Variants in SRBD1 observed in about 807,000 individuals in gnomAD.
SRBD1 encodes the protein S1 RNA-binding domain-containing protein 1.
In SRBD1, 88 loss-of-function variants were observed where a neutral mutation model predicts 115.3. That is an observed-to-expected ratio of 0.76 (90% confidence interval 0.64 to 0.91). The LOEUF (loss-of-function observed/expected upper bound fraction) is 0.91, where lower values mean the gene tolerates loss of function less well. Among genes scored for constraint, SRBD1 ranks in the 40% least tolerant of loss-of-function variants. SRBD1 has a pLI of 0.00. For missense variants in SRBD1, 1,385 were observed against 1,177.4 expected, an observed-to-expected ratio of 1.18 and a Z score of -2.58; for synonymous variants, 509 against 407.7, an observed-to-expected ratio of 1.25 and a Z score of -2.99.
chr2:45,562,703 A>G lies in SRBD1; in HGVS notation c.1359T>C (p.Asn453=), dbSNP rs1162944991. 2 of 1,612,872 alleles carry G rather than the reference A, an allele frequency of 1.2e-6. No homozygotes were observed. Among genetic ancestry groups the G allele is most frequent in the Non-Finnish European group, 1.7e-6 (2 of 1,179,728 alleles). The change falls in exon 10 of 21, where the codon AAT becomes AAC. Residue 453 remains asparagine, a synonymous_variant. Transcript: ENST00000263736. ...ENLKVLTVKV[N]ISDGVKDEFC... Reference sequence around the variant, plus strand: ...ATTCATCCTTCACTCCATCAGAAATATTGACCTTAACCGTCAGTACCTTCA... The same window carrying G: ...ATTCATCCTTCACTCCATCAGAAATGTTGACCTTAACCGTCAGTACCTTCA...
At chr2:45,416,979 A>G (rs1186717966) in intron 18 of SRBD1, among the ~76,000 whole-genome samples, 5 of 152,178 alleles carry the variant, frequency 3.3e-5, no homozygotes, top group African/African-American at 1.2e-4. Context: ...GGGTTTCACC[A>G]TGTTAGCCAG....
intron 14 of SRBD1, among the ~76,000 whole-genome samples, chr2:45,531,098 A>G (rs1365725384): frequency 1.3e-5 from 2 of 151,876 alleles, no homozygotes; most frequent in African/African-American, 4.8e-5. Context: ...AGCTCATTCT[A>G]TACTGATGGT....
chr2:45,543,188 A>G (rs1365003777), intron 14 of SRBD1, among the ~76,000 whole-genome samples: 2 of 152,244 alleles, frequency 1.3e-5, no homozygotes, highest in Admixed American at 6.5e-5. Flanking sequence ...ACTGAGACTC[A>G]GCATGGTTAC....
At chr2:45,420,420 T>C (rs772622086) in intron 16 of SRBD1, among the ~76,000 whole-genome samples, 3 of 152,196 alleles carry the variant, frequency 2.0e-5, no homozygotes, top group Non-Finnish European at 2.9e-5. Flanking sequence ...TTTCATCAAA[T>C]TGAAGACAGT....
chr2:45,536,945 C>T (rs2103998386), intron 14 of SRBD1, among the ~76,000 whole-genome samples: 1 of 152,288 alleles, frequency 6.6e-6, no homozygotes, highest in South Asian at 2.1e-4. Flanking sequence ...CACATCACAA[C>T]CCAGTACACA....
chr2:45,440,000 G>A (rs1418964814), intron 16 of SRBD1, among the ~76,000 whole-genome samples: 2 of 152,062 alleles, frequency 1.3e-5, no homozygotes, highest in Non-Finnish European at 2.9e-5. Context: ...CTCACCTCCT[G>A]ACTCTAAAAG....
intron 15 of SRBD1, among the ~76,000 whole-genome samples, chr2:45,487,102 C>G (rs1428345603): frequency 6.6e-6 from 1 of 152,132 alleles, no homozygotes; most frequent in African/African-American, 2.4e-5. Flanking sequence ...TAAAGGGAAA[C>G]TACAAGCTCT....
At chr2:45,609,165 T>A (rs1291306920) in intron 1 of SRBD1, among the ~76,000 whole-genome samples, 2 of 152,318 alleles carry the variant, frequency 1.3e-5, no homozygotes, top group East Asian at 3.9e-4. Flanking sequence ...CTGCACATGT[T>A]TAAAGTGTGC....
At chr2:45,525,202 T>A (rs1034738634) in intron 14 of SRBD1, among the ~76,000 whole-genome samples, 1 of 151,972 alleles carries the variant, frequency 6.6e-6, no homozygotes, top group Non-Finnish European at 1.5e-5. Context: ...GAAGAAAACA[T>A]AGGAGCTCAT....
chr2:45,528,624 A>C (rs1671521061), intron 14 of SRBD1, among the ~76,000 whole-genome samples: 1 of 151,874 alleles, frequency 6.6e-6, no homozygotes, highest in African/African-American at 2.4e-5. Context: ...CTCTGGTGAG[A>C]ACTTGAAACT....
At chr2:45,502,350 T>C (rs1670660310) in intron 14 of SRBD1, among the ~76,000 whole-genome samples, 1 of 152,220 alleles carries the variant, frequency 6.6e-6, no homozygotes, top group Admixed American at 6.5e-5. Flanking sequence ...CAAAGGATTA[T>C]AAATCATGCT....
chr2:45,474,999 C>T (rs1669763970), intron 16 of SRBD1, among the ~76,000 whole-genome samples: 1 of 152,166 alleles, frequency 6.6e-6, no homozygotes, highest in Admixed American at 6.5e-5. Context: ...TCATTATTTG[C>T]TGAACAGTGA....
In SRBD1 at chr2:45,599,547, T is replaced by A. The variant is rs1339666579; in HGVS notation, c.550A>T (p.Ile184Phe). ...CCCTGAGGATATGTCTCAGTCTTGATTTTCTTTAAAGCGGACTGACCAAAT... is the reference window on the plus strand; with the variant it reads ...CCCTGAGGATATGTCTCAGTCTTGAATTTCTTTAAAGCGGACTGACCAAAT... ...FTFGQSALKK[I>F]KTETYPQGQP... Residue 184 changes from isoleucine to phenylalanine, a missense_variant, in exon 4 of 21, where the codon ATC becomes TTC. By Grantham distance (21) the Ile-to-Phe change is conservative. Transcript: ENST00000263736. The A allele has an allele frequency of 6.2e-7, 1 of 1,614,238 alleles. No individual in the cohort carries two copies. Among genetic ancestry groups the A allele is most frequent in the South Asian group, 1.1e-5 (1 of 91,088 alleles).
rs146325130 is a variant in SRBD1 at position 45,536,489 on chromosome 2, G to C, written c.1874+10243C>G. Among the ~76,000 whole-genome samples, 6 of 152,098 alleles carry C rather than the reference G, an allele frequency of 3.9e-5. No individual in the cohort carries two copies. In the East Asian group the frequency reaches 1.2e-3, roughly 29 times the overall value. On this transcript the variant is annotated intron_variant, in intron 14 of 20. Coordinates refer to ENST00000263736, the MANE Select transcript of SRBD1 (RefSeq NM_018079.5). ...TTTCCATAAAATTTTGTTACAAAGA[G>C]TGCATCTCTGAATTGGCCTATTAAA... is the stretch of plus-strand genomic sequence containing the variant.
intron 14 of SRBD1, among the ~76,000 whole-genome samples, chr2:45,494,596 A>G (rs970769): frequency 0.36 from 54,061 of 152,096 alleles, 10,684 homozygotes; most frequent in Non-Finnish European, 0.45. Flanking sequence ...AAAAAATCTT[A>G]TAAGAAAATA....
intron 15 of SRBD1, among the ~76,000 whole-genome samples, chr2:45,483,495 T>G (rs949497322): frequency 6.6e-6 from 1 of 152,074 alleles, no homozygotes; most frequent in Non-Finnish European, 1.5e-5. Flanking sequence ...ATGTCTTATA[T>G]CCAAAGAATA....
intron 14 of SRBD1, among the ~76,000 whole-genome samples, chr2:45,513,792 T>G (rs574308551): frequency 5.6e-4 from 85 of 152,230 alleles, no homozygotes; most frequent in African/African-American, 1.5e-3. Context: ...AACAGTTTTT[T>G]TTTGTTTGTT....
intron 19 of SRBD1, among the ~76,000 whole-genome samples, chr2:45,396,441 T>C (rs1474206042): frequency 6.6e-6 from 1 of 152,176 alleles, no homozygotes; most frequent in Non-Finnish European, 1.5e-5. Context: ...TCCACTGTTT[T>C]TGGAAGGCTT....
chr2:45,445,693 G>C (rs1572649194), intron 16 of SRBD1, among the ~76,000 whole-genome samples: 1 of 151,720 alleles, frequency 6.6e-6, no homozygotes, highest in East Asian at 1.9e-4. Flanking sequence ...AACCATGCCA[G>C]AGTCCATCAT....
Sources: gnomAD v4.1 joint callset for allele counts (sites outside exome capture counted in the v4.1 genomes callset) on GRCh38, gnomAD v4.1.1 for gene constraint, MANE v1.5 for transcripts, NCBI Gene and HGNC (gene_info 2026-07-23, HGNC 2026-07-21) for gene names.